Variants in RAPGEF3 observed in about 807,000 individuals in gnomAD.
RAPGEF3 encodes the protein Rap guanine nucleotide exchange factor 3.
In RAPGEF3, 103 loss-of-function variants were observed where a neutral mutation model predicts 129.8. That is an observed-to-expected ratio of 0.79 (90% CI 0.68 to 0.93). The LOEUF (loss-of-function observed/expected upper bound fraction) is 0.93. Ranked by LOEUF, RAPGEF3 falls within the 40% of genes least tolerant of loss-of-function variation. RAPGEF3 has a pLI of 0.00. For synonymous variants in RAPGEF3, 436 were observed against 482.6 expected (o/e 0.90, Z 1.26); for missense variants, 1,117 against 1,207.4 (o/e 0.93, Z 1.11).
chr12:47,739,147 G>C lies in RAPGEF3; in HGVS notation c.2457C>G (p.Leu819=), dbSNP rs1486423962. ...GGAGGCAGGAAGCCCTGTTACCTTTGAGAAGAAGGGGCATGAAGGGGATGA... is the reference window on the plus strand; with the variant it reads ...GGAGGCAGGAAGCCCTGTTACCTTTCAGAAGAAGGGGCATGAAGGGGATGA... ...PPVIPFMPLL[L]KDMTFIHEGN... is the part of the protein sequence containing the mutation. Residue 819 remains leucine (L), a synonymous_variant, in exon 24 of 28, where the codon CTC becomes CTG. Transcript: ENST00000449771. 6.3e-7 allele frequency: 1 copy of C among 1,594,892 alleles called. No homozygotes were observed. The highest frequency in any genetic ancestry group is 1.4e-5 in the African/African-American group (1 of 74,026).
At position 47,737,672 on chromosome 12, in the gene RAPGEF3, G is replaced by A; in HGVS notation, c.2667C>T (p.Ser889=). 3.1e-6 allele frequency: 5 copies of A among 1,613,304 alleles called. No homozygotes were observed. Among genetic ancestry groups the A allele is most frequent in the Non-Finnish European group, 4.2e-6 (5 of 1,179,920 alleles). The change falls in exon 28 of 28, where the codon TCC becomes TCT. Residue 889 remains serine, a synonymous_variant. Transcript: ENST00000449771. ...TGCTGGCTGGACTCCGGGTGCTCAG[G>A]GACTGCTCCGAGCCTGGTGGAGGAG... ...VARISTCSEQ[S]LSTRSPASTW...
chr12:47,758,862 G>A lies in RAPGEF3; in HGVS notation c.-306C>T, dbSNP rs1349553287. The A allele has an allele frequency of 4.0e-5, 47 of 1,176,734 alleles. No individual in the cohort carries two copies. The highest frequency in any genetic ancestry group is 4.6e-5 in the Non-Finnish European group (44 of 950,610). The allele number at this position is 1,176,734 out of a possible 1,614,324, so 72.9% of individuals were successfully genotyped here. ...ACGAAGGAGCCAGCTGGCACCGGGC[G>A]CTGAAGCAAGGCTGCGCTGGCACCG... On this transcript the variant is annotated 5_prime_UTR_variant, in exon 1 of 28. Coordinates refer to ENST00000449771, the MANE Select transcript of RAPGEF3 (RefSeq NM_001098531.4).
chr12:47,751,612 G>T, intron 4 of RAPGEF3, 92 bp from the exon 5 acceptor site: 2 of 1,600,286 alleles, frequency 1.2e-6, no homozygotes, highest in Non-Finnish European at 1.7e-6. Context: ...TGAGGCCCAA[G>T]CCTGGTTCGT....
At chr12:47,738,321 G>T (rs1336555557) in intron 25 of RAPGEF3, 74 bp from the exon 26 acceptor site, 19 of 1,567,954 alleles carry the variant, frequency 1.2e-5, no homozygotes, top group Non-Finnish European at 1.7e-5. Flanking sequence ...CAGCAGGGAG[G>T]CCAAGCTCCC....
At chr12:47,739,815 C>G in intron 23 of RAPGEF3, 1 of 464,082 alleles carries the variant, frequency 2.2e-6, no homozygotes, top group Admixed American at 3.4e-5. Context: ...CTCTGGAGCC[C>G]CTGACACTGC....
chr12:47,753,683 C>T (rs1460212630), intron 2 of RAPGEF3, among the ~76,000 whole-genome samples: 2 of 152,238 alleles, frequency 1.3e-5, no homozygotes, highest in African/African-American at 4.8e-5. Context: ...CCCAGCCAGC[C>T]CCCTGTGTCG....
rs1022784618 is a variant in RAPGEF3 at position 47,743,729 on chromosome 12, A to G, written c.1679-53T>C. ...GGAAGGGCTGCCTGATCTCCACCCC[A>G]GGAGGGAGAGGGCGGCTATTGCAGT... On this transcript the variant is annotated intron_variant, in intron 17 of 27. Coordinates refer to ENST00000449771, the MANE Select transcript of RAPGEF3 (RefSeq NM_001098531.4). The G allele has an allele frequency of 1.1e-5, 17 of 1,579,674 alleles. No homozygotes were observed. In the African/African-American group the frequency reaches 2.0e-4, roughly 19 times the overall value.
intron 25 of RAPGEF3, 127 bp from the exon 26 acceptor site, chr12:47,738,374 G>T: frequency 7.6e-7 from 1 of 1,316,468 alleles, no homozygotes; most frequent in Non-Finnish European, 1.1e-6. Flanking sequence ...TGGTTATGTG[G>T]CATCATGTGT....
chr12:47,739,863 C>T, intron 23 of RAPGEF3: 1 of 544,408 alleles, frequency 1.8e-6, no homozygotes, highest in East Asian at 3.2e-5. Context: ...CACCCACATG[C>T]TCCAGCCCAG....
At position 47,739,171 on chromosome 12, in the gene RAPGEF3, G is replaced by A; in HGVS notation, c.2433C>T (p.Val811=). 6.2e-7 allele frequency: 1 copy of A among 1,607,108 alleles called. No individual in the cohort carries two copies. Among genetic ancestry groups the A allele is most frequent in the Non-Finnish European group, 8.5e-7 (1 of 1,177,072 alleles). ...TGAGAAGAAGGGGCATGAAGGGGAT[G>A]ACAGGAGGGGAGAGCTTGGCGAGGG... is the stretch of plus-strand genomic sequence containing the variant. The part of the protein sequence containing the change: ...RLALAKLSPP[V]IPFMPLLLKD... Residue 811 remains valine, a synonymous_variant, in exon 24 of 28, where the codon GTC becomes GTT. Coordinates refer to ENST00000449771, the MANE Select transcript of RAPGEF3 (RefSeq NM_001098531.4).
At chr12:47,745,832 G>A (rs1173109246) in intron 16 of RAPGEF3, 1 of 152,354 alleles carries the variant, frequency 6.6e-6, no homozygotes, top group Non-Finnish European at 1.5e-5. Flanking sequence ...CTGCGAGGGT[G>A]AGCCCACATC....
rs1171796650 is a variant in RAPGEF3 at position 47,749,950 on chromosome 12, T to C, written c.797A>G (p.His266Arg). The C allele has an allele frequency of 7.4e-6, 12 of 1,614,226 alleles. No homozygotes were observed. In the East Asian group the frequency reaches 2.7e-4, roughly 36 times the overall value. The change falls in exon 8 of 28, where the codon CAC (histidine) becomes CGC (arginine). Residue 266 changes from histidine to arginine, a missense_variant. Physicochemically the swap from His to Arg is conservative, Grantham distance 29. Coordinates refer to ENST00000449771, the MANE Select transcript of RAPGEF3 (RefSeq NM_001098531.4). The surrounding 1 kb of genome is among the most constrained non-coding windows in gnomAD (Gnocchi z 4.5). ...ELAAVLLFEP[H>R]SKAGTVLFSQ... is the part of the protein sequence containing the mutation. ...CTTACACACGGTCCCTGCCTTGCTG[T>C]GTGGTTCAAAGAGCAGAACAGCCGC...
chr12:47,737,488 G>T lies in RAPGEF3; in HGVS notation c.*79C>A. 1 of 1,320,126 alleles carries T rather than the reference G, an allele frequency of 7.6e-7. No homozygotes were observed. The highest frequency in any genetic ancestry group is 1.1e-6 in the Non-Finnish European group (1 of 940,676). The allele number at this position is 1,320,126 out of a possible 1,614,324, so 81.8% of individuals were successfully genotyped here. The stretch of plus-strand genomic sequence containing the variant: ...GGAGAGCCTTGCCCAGCTGTGGCCA[G>T]CCTGTGAGTATCTTGGCCCGGCACA... On this transcript the variant is annotated 3_prime_UTR_variant, in exon 28 of 28. Coordinates refer to ENST00000449771, the MANE Select transcript of RAPGEF3 (RefSeq NM_001098531.4).
Position 47,749,119 on chromosome 12 carries a change from C to T in RAPGEF3, c.1042-188G>A. 1 of 644,124 alleles carries T rather than the reference C, an allele frequency of 1.6e-6. No individual in the cohort carries two copies. Among genetic ancestry groups the T allele is most frequent in the Non-Finnish European group, 2.7e-6 (1 of 370,636 alleles). 39.9% of individuals were successfully genotyped at this position (644,124 alleles called of 1,614,324 possible). On this transcript the variant is annotated intron_variant, in intron 10 of 27. Coordinates refer to ENST00000449771, the MANE Select transcript of RAPGEF3 (RefSeq NM_001098531.4). The surrounding 1 kb of genome is among the most constrained non-coding windows in gnomAD (Gnocchi z 4.5). ...CCTTCCATGCATCCTGCCTCCCCCACAGCCTAGTCCCCCGCCCCCTGCATG... is the reference window on the plus strand; with the variant it reads ...CCTTCCATGCATCCTGCCTCCCCCATAGCCTAGTCCCCCGCCCCCTGCATG...
At chr12:47,739,648 CA>C in intron 23 of RAPGEF3, 1 of 378,950 alleles carries the variant, frequency 2.6e-6, no homozygotes, top group Non-Finnish European at 5.0e-6. Context: ...CCAGAATAGT[CA>C]AAACCCTCAA....
Position 47,758,004 on chromosome 12 carries a change from C to A in RAPGEF3, c.81G>T (p.Arg27=), listed in dbSNP as rs768432900. The change falls in exon 2 of 28, where the codon CGG becomes CGT. Residue 27 remains arginine, a synonymous_variant. Coordinates refer to ENST00000449771, the MANE Select transcript of RAPGEF3 (RefSeq NM_001098531.4). ...VEDSPALGAP[R]VGALPDVVPE... The stretch of plus-strand genomic sequence containing the variant: ...GCACCACGTCAGGGAGGGCTCCCAC[C>A]CGCGGTGCTCCCAGAGCTGGGCTAT... 63 of 1,574,050 alleles carry A rather than the reference C, an allele frequency of 4.0e-5. No individual in the cohort carries two copies. The highest frequency in any genetic ancestry group is 4.9e-5 in the Non-Finnish European group (57 of 1,159,566).
intron 15 of RAPGEF3, 120 bp downstream of exon 15, chr12:47,747,424 A>G: frequency 1.0e-6 from 1 of 952,450 alleles, no homozygotes; most frequent in South Asian, 1.5e-5. Flanking sequence ...AGAACAAGGA[A>G]TTGAAGTAAG....
At chr12:47,746,800 C>T (rs111716416) in intron 16 of RAPGEF3, 60 bp downstream of exon 16, 22,776 of 1,514,562 alleles carry the variant, frequency 0.015, 220 homozygotes, top group Non-Finnish European at 0.018. Context: ...GGTCAGGGGG[C>T]GAAGGAGGGG....
rs372698035 is a variant in RAPGEF3, at chr12:47,735,906, G to T, written c.*1661C>A. The stretch of plus-strand genomic sequence containing the variant: ...TGATTGCTCAGTTCCAGATGCTTCC[G>T]TGCTTCTCCTGTGTCCCCACCCACG... On this transcript the variant is annotated 3_prime_UTR_variant, in exon 28 of 28. Coordinates refer to ENST00000449771, the MANE Select transcript of RAPGEF3 (RefSeq NM_001098531.4). The T allele has an allele frequency of 6.6e-6, 1 of 152,334 alleles. No homozygotes were observed. Among genetic ancestry groups the T allele is most frequent in the African/African-American group, 2.4e-5 (1 of 41,444 alleles). The allele number at this position is 152,334 out of a possible 1,614,324, so 9.4% of individuals were successfully genotyped here. A position where few individuals can be genotyped will look rare whatever the true frequency, so the allele number is the denominator to read the frequency against.
Sources: allele counts gnomAD v4.1 joint callset (sites outside exome capture counted in the v4.1 genomes callset), GRCh38; gene constraint gnomAD v4.1.1; non-coding constraint Gnocchi (gnomAD v3.1); transcripts MANE v1.5; gene names NCBI Gene and HGNC (gene_info 2026-07-23, HGNC 2026-07-21).